Variants in DLGAP2 observed in about 807,000 individuals in gnomAD.
DLGAP2 encodes disks large-associated protein 2.
DLGAP2 carries 26 observed loss-of-function variants against 100.3 expected under a neutral mutation model. That is an observed-to-expected ratio of 0.26 (90% CI 0.19 to 0.36). DLGAP2 has a LOEUF of 0.36. Ranked by LOEUF, DLGAP2 falls within the 10% of genes least tolerant of loss-of-function variation. The pLI, the probability that DLGAP2 is intolerant of heterozygous loss-of-function variation, is 1.00. For missense variants in DLGAP2, 1,858 were observed against 1,453.2 expected (o/e 1.28, Z -4.53); for synonymous variants, 886 against 630.1 (o/e 1.41, Z -6.08).
At chr8:1,156,755 C>A (rs1205422669) in intron 2 of DLGAP2, among the ~76,000 whole-genome samples, 1 of 152,188 alleles carries the variant, frequency 6.6e-6, no homozygotes, top group Non-Finnish European at 1.5e-5. Context: ...TTTGGTGCCC[C>A]AGCTCAGGAT....
At chr8:1,072,226 T>C (rs1803454879) in intron 2 of DLGAP2, among the ~76,000 whole-genome samples, 3 of 152,192 alleles carry the variant, frequency 2.0e-5, no homozygotes, top group Admixed American at 1.3e-4. Context: ...GGGAGCCTCC[T>C]GATTGATGGT....
intron 2 of DLGAP2, among the ~76,000 whole-genome samples, chr8:1,105,622 T>G (rs560495548): frequency 6.0e-5 from 9 of 149,114 alleles, no homozygotes; most frequent in East Asian, 5.9e-4. Flanking sequence ...TCTAGGGTTT[T>G]TTTTTTTTTT....
chr8:1,610,047 A>G (rs972003447), intron 6 of DLGAP2, among the ~76,000 whole-genome samples: 24 of 151,912 alleles, frequency 1.6e-4, no homozygotes, highest in African/African-American at 5.8e-4. Context: ...CCTAATAGAC[A>G]TCTACAGAAC....
chr8:1,288,216 TGG>T (rs1491475738), intron 3 of DLGAP2, among the ~76,000 whole-genome samples: 1 of 79,066 alleles, frequency 1.3e-5, no homozygotes, highest in Non-Finnish European at 2.6e-5. Context: ...TGTGTGTGTG[TGG>T]TTAGGAGGGG....
At position 1,060,399 on chromosome 8, in the gene DLGAP2, G is replaced by T. The variant is rs550131330; in HGVS notation, c.73+152433G>T. 1.8e-3 allele frequency among the ~76,000 whole-genome samples: 146 copies of T among 82,146 alleles called. 1 individual carries two copies. Among genetic ancestry groups the T allele is most frequent in the African/African-American group, 4.7e-3 (138 of 29,480 alleles). The allele number at this position is 82,146 out of a possible 152,430, so 53.9% of individuals were successfully genotyped here. On this transcript the variant is annotated intron_variant, in intron 2 of 14. Transcript: ENST00000637795. ...GCGGGCTCCCTCTGGAGGCCCTGAG[G>T]GCGTTGGTCCCTCCGCTGTGTCCTT...
At chr8:1,633,940 G>A (rs932816594) in intron 8 of DLGAP2, among the ~76,000 whole-genome samples, 3 of 152,262 alleles carry the variant, frequency 2.0e-5, no homozygotes, top group African/African-American at 7.2e-5. Context: ...TCAGGCAGGA[G>A]TGTGTCATCA....
chr8:909,009 G>A (rs905611723), intron 2 of DLGAP2, among the ~76,000 whole-genome samples: 2 of 152,288 alleles, frequency 1.3e-5, no homozygotes, highest in East Asian at 3.9e-4. Flanking sequence ...ATACATTCCA[G>A]AGTAAAACAC....
chr8:1,549,667 C>T lies in DLGAP2; in HGVS notation c.1214C>T (p.Pro405Leu), dbSNP rs773233596. The change falls in exon 5 of 15, where the codon CCG becomes CTG. Residue 405 changes from proline to leucine, a missense_variant. By Grantham distance (98) the Pro-to-Leu change is moderately conservative (BLOSUM62 -3). Coordinates refer to ENST00000637795, the MANE Select transcript of DLGAP2 (RefSeq NM_001346810.2). ...CAGGACGCCAAGCCCGCCCTGAGGCCGTGCCACTACCTCCAGGTAAGCAGG... is the reference window on the plus strand; with the variant it reads ...CAGGACGCCAAGCCCGCCCTGAGGCTGTGCCACTACCTCCAGGTAAGCAGG... ...LHQDAKPALR[P>L]CHYLQVPQDE... 1.3e-6 allele frequency: 2 copies of T among 1,552,976 alleles called. No homozygotes were observed. Among genetic ancestry groups the T allele is most frequent in the Non-Finnish European group, 8.7e-7 (1 of 1,148,008 alleles).
chr8:830,160 G>T (rs1278285484), intron 1 of DLGAP2, among the ~76,000 whole-genome samples: 1 of 152,022 alleles, frequency 6.6e-6, no homozygotes, highest in Non-Finnish European at 1.5e-5. Context: ...AATTTTTTAA[G>T]TTTTAATTTT....
intron 1 of DLGAP2, among the ~76,000 whole-genome samples, chr8:795,413 G>C (rs1353036480): frequency 1.3e-5 from 2 of 152,154 alleles, no homozygotes; most frequent in Non-Finnish European, 2.9e-5. Flanking sequence ...AGACTGTCTA[G>C]ACAGCACCTC....
intron 2 of DLGAP2, among the ~76,000 whole-genome samples, chr8:1,174,405 C>G (rs755403638): frequency 5.3e-5 from 8 of 151,568 alleles, no homozygotes; most frequent in Non-Finnish European, 1.0e-4. Flanking sequence ...ATTACCATCA[C>G]CAAAATCATT....
intron 2 of DLGAP2, among the ~76,000 whole-genome samples, chr8:1,192,818 C>T (rs943444032): frequency 1.3e-5 from 2 of 151,922 alleles, no homozygotes; most frequent in Non-Finnish European, 2.9e-5. Context: ...GCTATCCCTC[C>T]CCACTCCCCC....
intron 2 of DLGAP2, among the ~76,000 whole-genome samples, chr8:961,963 A>T (rs1480409482): frequency 6.6e-6 from 1 of 152,234 alleles, no homozygotes; most frequent in Non-Finnish European, 1.5e-5. Flanking sequence ...CTCCAGCGTC[A>T]TCATGGACGC....
chr8:1,311,206 G>A (rs1052317725), intron 3 of DLGAP2, among the ~76,000 whole-genome samples: 1 of 152,086 alleles, frequency 6.6e-6, no homozygotes, highest in Non-Finnish European at 1.5e-5. Context: ...ATATAACAAT[G>A]AAAATGACCT....
intron 2 of DLGAP2, among the ~76,000 whole-genome samples, chr8:1,235,387 C>T (rs535448801): frequency 1.3e-4 from 19 of 147,796 alleles, no homozygotes; most frequent in Admixed American, 3.4e-4. Flanking sequence ...TCACACATGG[C>T]GTTGTGTCTC....
rs77703621 is a variant in DLGAP2 at position 1,443,906 on chromosome 8, A to C, written c.107-57460A>C. ...TGACTTGGAAGTGGTACTGATAAAA[A>C]ACAAAAGCCTTCATTGATTAAAAGC... On this transcript the variant is annotated intron_variant, in intron 3 of 14. Transcript: ENST00000637795. 3.5e-3 allele frequency among the ~76,000 whole-genome samples: 539 copies of C among 152,332 alleles called. 18 individuals carry two copies. The East Asian group carries it at 0.086, about 24-fold the overall frequency.
chr8:847,147 C>T (rs1169202846), intron 1 of DLGAP2, among the ~76,000 whole-genome samples: 3 of 152,168 alleles, frequency 2.0e-5, no homozygotes, highest in Non-Finnish European at 4.4e-5. Context: ...ACCACTGATT[C>T]AATAACTGTT....
chr8:1,691,779 G>A (rs531185694), intron 13 of DLGAP2, among the ~76,000 whole-genome samples, 153 bp downstream of exon 13: 17 of 152,274 alleles, frequency 1.1e-4, no homozygotes, highest in African/African-American at 3.9e-4. Context: ...CCGCCCTGGG[G>A]AAAGAGACGA....
intron 3 of DLGAP2, among the ~76,000 whole-genome samples, chr8:1,382,455 G>T (rs1319606860): frequency 2.6e-5 from 4 of 152,208 alleles, no homozygotes; most frequent in Non-Finnish European, 5.9e-5. Flanking sequence ...TGTATCATCG[G>T]TCAGGCGCAG....
Sources: gnomAD v4.1 joint callset for allele counts (sites outside exome capture counted in the v4.1 genomes callset) on GRCh38, gnomAD v4.1.1 for gene constraint, MANE v1.5 for transcripts, NCBI Gene and HGNC (gene_info 2026-07-23, HGNC 2026-07-21) for gene names.